The following PPP2R5C variants were observed in gnomAD, a reference collection of about 807,000 sequenced individuals.
PPP2R5C encodes serine/threonine-protein phosphatase 2A 56 kDa regulatory subunit gamma isoform.
Under a neutral mutation model 68.9 loss-of-function variants are expected in PPP2R5C, and 7 were observed. The observed-to-expected ratio is 0.10, with a 90% CI of 0.06 to 0.19. The LOEUF (loss-of-function observed/expected upper bound fraction) is 0.19. Among genes scored for constraint, PPP2R5C ranks in the 10% least tolerant of loss-of-function variants. The pLI is 1.00. For missense variants in PPP2R5C, 348 were observed against 641.3 expected (o/e 0.54, Z 4.94); for synonymous variants, 210 against 222.2 (o/e 0.95, Z 0.49).
At chr14:101,927,415 G>A (rs540784803) in exon 14 of PPP2R5C, 1 of 152,704 alleles carries the variant, frequency 6.5e-6, no homozygotes, top group South Asian at 2.1e-4. Flanking sequence ...GGACTCCTGT[G>A]CTAATTGTCA....
intron 1 of PPP2R5C, among the ~76,000 whole-genome samples, chr14:101,841,276 T>C (rs2140421203): frequency 6.6e-6 from 1 of 152,286 alleles, no homozygotes; most frequent in South Asian, 2.1e-4. Flanking sequence ...AGATATTTGC[T>C]AAATGAAGGA....
intron 9 of PPP2R5C, among the ~76,000 whole-genome samples, chr14:101,902,989 A>C (rs1348079602): frequency 6.6e-6 from 1 of 151,040 alleles, no homozygotes; most frequent in Non-Finnish European, 1.5e-5. Flanking sequence ...CACATTAGGA[A>C]CTAAGAAAGG....
At position 101,825,211 on chromosome 14, in the gene PPP2R5C, C is replaced by CATGTGTGT. The variant is rs1490529678; in HGVS notation, c.94+15175_94+15176insATGTGTGT. ...AGGGATAGGATAAGAGGGTTTTCAG[C>CATGTGTGT]GTGTGTGTGTGTGTGTGTGTGTGTG... On this transcript the variant is annotated intron_variant, in intron 1 of 13. Transcript: ENST00000334743. The surrounding 1 kb of genome is among the most constrained non-coding windows in gnomAD (Gnocchi z 4.0). Among the ~76,000 whole-genome samples the CATGTGTGT allele has an allele frequency of 1.7e-4, 24 of 143,004 alleles. No homozygotes were observed. Among genetic ancestry groups the CATGTGTGT allele is most frequent in the African/African-American group, 5.7e-4 (22 of 38,436 alleles). The allele number at this position is 143,004 out of a possible 152,430, so 93.8% of individuals were successfully genotyped here.
upstream of PPP2R5C, among the ~76,000 whole-genome samples, chr14:101,808,409 A>G (rs1360667508): frequency 6.6e-6 from 1 of 152,258 alleles, no homozygotes. Flanking sequence ...CTGGCCGGCC[A>G]TGGAATCCAG....
At chr14:101,763,161 T>C (rs1302195082) in intron 2 of PPP2R5C, among the ~76,000 whole-genome samples, 191 bp downstream of exon 2, 3 of 152,184 alleles carry the variant, frequency 2.0e-5, no homozygotes, top group Admixed American at 6.5e-5. Flanking sequence ...AAACTATTAA[T>C]GATTTTATGA....
intron 2 of PPP2R5C, among the ~76,000 whole-genome samples, chr14:101,870,850 A>G (rs1320919625): frequency 6.6e-6 from 1 of 152,214 alleles, no homozygotes; most frequent in African/African-American, 2.4e-5. Context: ...TTAGACTCGT[A>G]AATTAGTATT....
At chr14:101,919,613 C>G (rs948295228) in intron 13 of PPP2R5C, among the ~76,000 whole-genome samples, 1 of 152,294 alleles carries the variant, frequency 6.6e-6, no homozygotes, top group African/African-American at 2.4e-5. Context: ...TGTGAGGGAA[C>G]CTGCCTGGGA....
intron 2 of PPP2R5C, among the ~76,000 whole-genome samples, chr14:101,763,734 T>C (rs1234466734): frequency 1.3e-5 from 2 of 152,166 alleles, no homozygotes; most frequent in African/African-American, 2.4e-5. Flanking sequence ...GCAACCCTCC[T>C]GTATAGATTG....
rs778203884 is a variant in PPP2R5C, at chr14:101,917,940, C to T, written c.1436C>T (p.Ala479Val). Residue 479 changes from alanine (A) to valine (V), a missense_variant, in exon 13 of 14, where the codon GCT becomes GTT. Around this residue, in one of 4 missense-constraint regions of PPP2R5C, gnomAD observed 118 missense variants for 108.9 expected, o/e 1.08. Coordinates refer to ENST00000334743, the Ensembl canonical transcript of PPP2R5C. This position sits in a 1 kb window ranked among gnomAD's most constrained non-coding sequence, Gnocchi z 4.4. ...CTGAGAAAGACAGTGAAGGACGAGG[C>T]TCATCAGGTAAAAGTGCACCGAGCT... 1 of 1,613,762 alleles carries T rather than the reference C, an allele frequency of 6.2e-7. No homozygotes were observed. The highest frequency in any genetic ancestry group is 8.5e-7 in the Non-Finnish European group (1 of 1,179,860).
In PPP2R5C at chr14:101,877,148, C is replaced by T. The variant is rs1386314021; in HGVS notation, c.295-5013C>T. Among the ~76,000 whole-genome samples the T allele has an allele frequency of 6.6e-6, 1 of 151,998 alleles. No homozygotes were observed. The highest frequency in any genetic ancestry group is 2.4e-5 in the African/African-American group (1 of 41,384). On this transcript the variant is annotated intron_variant, in intron 2 of 13. Coordinates refer to ENST00000334743, the Ensembl canonical transcript of PPP2R5C. The surrounding 1 kb of genome is among the most constrained non-coding windows in gnomAD (Gnocchi z 4.2). ...ATTTTTAGTGGAGATGGGGTTTCAC[C>T]ATGTTGGCTAGGCTGCTCTTGAACT... is the stretch of plus-strand genomic sequence containing the variant.
In PPP2R5C at chr14:101,917,752, T is replaced by G; in HGVS notation, c.1327-79T>G. 10 of 1,584,548 alleles carry G rather than the reference T, an allele frequency of 6.3e-6. No individual in the cohort carries two copies. The highest frequency in any genetic ancestry group is 1.3e-5 in the African/African-American group (1 of 74,314). ...GGGCCCTGGGGGGCGGCAGGGGAGA[T>G]GAGTCCCTAGCCAGGATGAGAAGCT... is the stretch of plus-strand genomic sequence containing the variant. On this transcript the variant is annotated intron_variant, in intron 12 of 13. Transcript: ENST00000334743. This position sits in a 1 kb window ranked among gnomAD's most constrained non-coding sequence, Gnocchi z 4.4.
chr14:101,914,272 A>G, intron 12 of PPP2R5C: 1 of 442,686 alleles, frequency 2.3e-6, no homozygotes, highest in African/African-American at 2.0e-5. Context: ...TCTGTGACGC[A>G]GTCCCCATGA....
At chr14:101,866,911 G>A (rs907780595) in intron 2 of PPP2R5C, among the ~76,000 whole-genome samples, 2 of 151,778 alleles carry the variant, frequency 1.3e-5, no homozygotes, top group African/African-American at 4.8e-5. Context: ...GCAAGACCTT[G>A]TGTCTACAAA....
intron 1 of PPP2R5C, among the ~76,000 whole-genome samples, chr14:101,847,222 T>G (rs940392081): frequency 3.9e-5 from 6 of 152,148 alleles, no homozygotes; most frequent in Admixed American, 3.9e-4. Flanking sequence ...TCTGAGAAAA[T>G]TTATAATTAA....
At chr14:101,793,805 C>T (rs1314181630) in intron 3 of PPP2R5C, among the ~76,000 whole-genome samples, 1 of 152,052 alleles carries the variant, frequency 6.6e-6, no homozygotes, top group African/African-American at 2.4e-5. Context: ...GATTTTATTG[C>T]CAATGAAAGT....
chr14:101,896,255 A>G (rs1447464246), intron 8 of PPP2R5C, among the ~76,000 whole-genome samples: 2 of 151,736 alleles, frequency 1.3e-5, no homozygotes, highest in African/African-American at 4.8e-5. Context: ...CCTGACCTCA[A>G]GTGATCCACC....
intron 2 of PPP2R5C, among the ~76,000 whole-genome samples, chr14:101,777,169 C>T (rs945170573): frequency 2.0e-5 from 3 of 152,050 alleles, no homozygotes; most frequent in Admixed American, 6.6e-5. Flanking sequence ...AGCTAATATT[C>T]TATTGTTTGG....
intron 3 of PPP2R5C, among the ~76,000 whole-genome samples, chr14:101,795,420 G>A (rs1332376368): frequency 6.6e-6 from 1 of 152,042 alleles, no homozygotes; most frequent in Admixed American, 6.5e-5. Flanking sequence ...GTTGAATATA[G>A]CCCTCAGACC....
intron 2 of PPP2R5C, among the ~76,000 whole-genome samples, chr14:101,864,723 G>A (rs886961528): frequency 6.6e-6 from 1 of 152,174 alleles, no homozygotes; most frequent in African/African-American, 2.4e-5. Flanking sequence ...CCAAAGACTA[G>A]AGAAAGTAAG....
Sources: allele counts gnomAD v4.1 joint callset (sites outside exome capture counted in the v4.1 genomes callset), GRCh38; gene constraint gnomAD v4.1.1; regional missense constraint gnomAD v4.1.1; non-coding constraint Gnocchi (gnomAD v3.1); transcripts MANE v1.5; gene names NCBI Gene and HGNC (gene_info 2026-07-23, HGNC 2026-07-21).